The following ADK variants were observed in gnomAD, a reference collection of about 807,000 sequenced individuals.
ADK encodes the protein N6,N6-dimethyladenosine kinase.
In ADK, 24 loss-of-function variants were observed where a neutral mutation model predicts 44.7. The observed-to-expected ratio is 0.54, with a 90% CI of 0.39 to 0.76. ADK has a LOEUF of 0.76. Ranked by LOEUF, ADK falls within the 30% of genes least tolerant of loss-of-function variation. ADK has a pLI of 0.00. For missense variants in ADK, 321 were observed against 425.1 expected (o/e 0.76, Z 2.15); for synonymous variants, 128 against 142.6 (o/e 0.90, Z 0.73).
At chr10:74,582,727 C>CT (rs1851412097) in intron 7 of ADK, among the ~76,000 whole-genome samples, 2 of 152,046 alleles carry the variant, frequency 1.3e-5, no homozygotes, top group Admixed American at 1.3e-4. Flanking sequence ...TGGATAGAGG[C>CT]ATGAGTGTCT....
intron 6 of ADK, among the ~76,000 whole-genome samples, chr10:74,421,194 T>C (rs915486381): frequency 2.6e-5 from 4 of 152,142 alleles, no homozygotes; most frequent in African/African-American, 7.2e-5. Context: ...GATTGGACAA[T>C]GTAAAGCTAA....
intron 10 of ADK, among the ~76,000 whole-genome samples, chr10:74,706,484 T>TC (rs929653481): frequency 5.3e-5 from 8 of 152,156 alleles, no homozygotes; most frequent in Non-Finnish European, 1.2e-4. Flanking sequence ...TGCTTTTTTT[T>TC]CACACAATTT....
intron 7 of ADK, among the ~76,000 whole-genome samples, chr10:74,535,775 G>T (rs1047736895): frequency 6.6e-6 from 1 of 151,788 alleles, no homozygotes. Flanking sequence ...TAGAGATGGG[G>T]TTTTGCCATG....
intron 1 of ADK, among the ~76,000 whole-genome samples, chr10:74,195,515 T>G (rs1205688434): frequency 6.6e-6 from 1 of 152,050 alleles, no homozygotes; most frequent in South Asian, 2.1e-4. Flanking sequence ...CAGGGTCTTA[T>G]TCTGTCACCC....
chr10:74,523,477 C>T (rs964472318), intron 6 of ADK, among the ~76,000 whole-genome samples: 2 of 152,128 alleles, frequency 1.3e-5, no homozygotes, highest in African/African-American at 4.8e-5. Flanking sequence ...CTTGTTTTCT[C>T]CTTTTCCTTT....
At chr10:74,486,221 GCTCT>G (rs112076951) in intron 6 of ADK, among the ~76,000 whole-genome samples, 2 of 149,884 alleles carry the variant, frequency 1.3e-5, no homozygotes, top group Admixed American at 6.7e-5. Context: ...ACACTTGCAC[GCTCT>G]CTCTCTCTCT....
intron 3 of ADK, among the ~76,000 whole-genome samples, chr10:74,280,922 T>C (rs951529351): frequency 6.6e-6 from 1 of 152,230 alleles, no homozygotes; most frequent in Non-Finnish European, 1.5e-5. Flanking sequence ...AATTAAGTTG[T>C]CTAGTGAGAT....
intron 3 of ADK, among the ~76,000 whole-genome samples, chr10:74,259,934 T>C (rs1845979397): frequency 6.6e-6 from 1 of 152,172 alleles, no homozygotes; most frequent in South Asian, 2.1e-4. Context: ...ATGTTCTAGA[T>C]AGGGATATTC....
intron 9 of ADK, among the ~76,000 whole-genome samples, chr10:74,634,269 C>T (rs1853543736): frequency 6.6e-6 from 1 of 151,930 alleles, no homozygotes; most frequent in Non-Finnish European, 1.5e-5. Context: ...CAGTGGAGTG[C>T]AGTGGCGCGA....
chr10:74,198,441 C>T (rs1042439618), intron 1 of ADK, among the ~76,000 whole-genome samples: 5 of 152,182 alleles, frequency 3.3e-5, no homozygotes, highest in African/African-American at 1.2e-4. Context: ...ATTTTATCTT[C>T]TAAAAATCAT....
At chr10:74,374,010 A>G (rs1197066786) in intron 4 of ADK, among the ~76,000 whole-genome samples, 1 of 152,194 alleles carries the variant, frequency 6.6e-6, no homozygotes, top group Non-Finnish European at 1.5e-5. Context: ...ATATCGTGCT[A>G]AATGAAGGAA....
At chr10:74,581,178 G>A (rs1371037048) in intron 7 of ADK, among the ~76,000 whole-genome samples, 1 of 151,982 alleles carries the variant, frequency 6.6e-6, no homozygotes, top group Non-Finnish European at 1.5e-5. Context: ...TGTTAAAACA[G>A]CATTTCTAAA....
At chr10:74,261,838 T>C (rs1213758608) in intron 3 of ADK, among the ~76,000 whole-genome samples, 1 of 152,024 alleles carries the variant, frequency 6.6e-6, no homozygotes, top group African/African-American at 2.4e-5. Flanking sequence ...TTTCTTATTA[T>C]GGCTTTTTTT....
At chr10:74,656,618 T>G (rs1377877696) in intron 9 of ADK, among the ~76,000 whole-genome samples, 1 of 152,132 alleles carries the variant, frequency 6.6e-6, no homozygotes, top group African/African-American at 2.4e-5. Context: ...CCTGGTTCTG[T>G]ATCCTTGCGC....
intron 7 of ADK, among the ~76,000 whole-genome samples, chr10:74,563,431 A>G (rs912460168): frequency 6.6e-6 from 1 of 152,140 alleles, no homozygotes; most frequent in Non-Finnish European, 1.5e-5. Flanking sequence ...ATCTCCCTTA[A>G]AAATCTCTTC....
At chr10:74,368,255 A>G (rs1206024649) in intron 4 of ADK, among the ~76,000 whole-genome samples, 1 of 151,968 alleles carries the variant, frequency 6.6e-6, no homozygotes, top group Non-Finnish European at 1.5e-5. Context: ...TTCAGGCTAC[A>G]GGCACATGTC....
At chr10:74,525,584 C>G (rs1472651047) in intron 7 of ADK, among the ~76,000 whole-genome samples, 158 bp downstream of exon 7, 1 of 152,078 alleles carries the variant, frequency 6.6e-6, no homozygotes, top group Non-Finnish European at 1.5e-5. Flanking sequence ...GTCAACTGCT[C>G]TCAGTATTTT....
At chr10:74,623,442 C>A (rs539552870) in intron 9 of ADK, among the ~76,000 whole-genome samples, 1 of 152,118 alleles carries the variant, frequency 6.6e-6, no homozygotes, top group South Asian at 2.1e-4. Flanking sequence ...CATCCAGAGG[C>A]CCTTTGACCC....
intron 7 of ADK, among the ~76,000 whole-genome samples, chr10:74,584,090 AG>A (rs1281181250): frequency 6.6e-6 from 1 of 152,240 alleles, no homozygotes; most frequent in African/African-American, 2.4e-5. Context: ...AGCACATTCA[AG>A]GGGAGGAGAA....
Sources: gnomAD v4.1 joint callset for allele counts (sites outside exome capture counted in the v4.1 genomes callset) on GRCh38, gnomAD v4.1.1 for gene constraint, MANE v1.5 for transcripts, NCBI Gene and HGNC (gene_info 2026-07-23, HGNC 2026-07-21) for gene names.